Variants in ADAMTS2 observed in about 807,000 individuals in gnomAD.
ADAMTS2 encodes A disintegrin and metalloproteinase with thrombospondin motifs 2.
Under a neutral mutation model 123.0 loss-of-function variants are expected in ADAMTS2, and 50 were observed. That is an observed-to-expected ratio of 0.41 (90% confidence interval 0.32 to 0.51). The LOEUF (loss-of-function observed/expected upper bound fraction) is 0.51. Among genes scored for constraint, ADAMTS2 ranks in the 20% least tolerant of loss-of-function variants. ADAMTS2 has a pLI of 0.35. For missense variants in ADAMTS2, 1,494 were observed against 1,705.2 expected (o/e 0.88, Z 2.18); for synonymous variants, 678 against 695.4 (o/e 0.98, Z 0.39).
chr5:179,338,137 T>C (rs33900), intron 2 of ADAMTS2, among the ~76,000 whole-genome samples: 90,511 of 152,048 alleles, frequency 0.6, 27,162 homozygotes, highest in East Asian at 0.77. Context: ...TGCAGCTCTC[T>C]CAGGGAGAGC....
chr5:179,142,296 C>T (rs1458429437), intron 10 of ADAMTS2, among the ~76,000 whole-genome samples: 2 of 152,126 alleles, frequency 1.3e-5, no homozygotes, highest in Non-Finnish European at 2.9e-5. Context: ...ATGCTCGGAA[C>T]CAGAAGCGTT....
chr5:179,174,598 A>G (rs941749320), intron 5 of ADAMTS2, among the ~76,000 whole-genome samples: 9 of 152,248 alleles, frequency 5.9e-5, no homozygotes, highest in African/African-American at 2.2e-4. Flanking sequence ...CACAATAAGC[A>G]TTCTGTGTTT....
In ADAMTS2 at chr5:179,132,128, T is replaced by C; in HGVS notation, c.2290+102A>G. 8.5e-7 allele frequency: 1 copy of C among 1,179,706 alleles called. No homozygotes were observed. Among genetic ancestry groups the C allele is most frequent in the Non-Finnish European group, 1.2e-6 (1 of 806,974 alleles). 73.1% of individuals were successfully genotyped at this position (1,179,706 alleles called of 1,614,324 possible). A position where few individuals can be genotyped will look rare whatever the true frequency, so the allele number is the denominator to read the frequency against. On this transcript the variant is annotated intron_variant, in intron 15 of 21. Transcript: ENST00000251582. This position sits in a 1 kb window ranked among gnomAD's most constrained non-coding sequence, Gnocchi z 6.1. ...GGGCTGCCCTGGCTCAGGTCATGGC[T>C]GCACAACCCGGGCCCCTGACCCCTG... is the stretch of plus-strand genomic sequence containing the variant.
chr5:179,152,779 C>T (rs1339615671), intron 9 of ADAMTS2, among the ~76,000 whole-genome samples: 6 of 152,116 alleles, frequency 3.9e-5, no homozygotes, highest in Non-Finnish European at 7.4e-5. Context: ...CTTTCCAGAG[C>T]CCCCATCGCC....
chr5:179,322,926 T>G (rs1757226836), intron 2 of ADAMTS2, among the ~76,000 whole-genome samples: 1 of 152,216 alleles, frequency 6.6e-6, no homozygotes, highest in South Asian at 2.1e-4. Flanking sequence ...GCTCTCCTCC[T>G]GAGCACGGTG....
At position 179,132,698 on chromosome 5, in the gene ADAMTS2, G is replaced by A; in HGVS notation, c.2209+79C>T. On this transcript the variant is annotated intron_variant, in intron 14 of 21. Coordinates refer to ENST00000251582, the MANE Select transcript of ADAMTS2 (RefSeq NM_014244.5). The surrounding 1 kb of genome is among the most constrained non-coding windows in gnomAD (Gnocchi z 6.1). ...TCATAAGCCCGGACAGCCCCAGGATGAGTCAGGCCCTCAGCTGTCCGGGCA... is the reference window on the plus strand; with the variant it reads ...TCATAAGCCCGGACAGCCCCAGGATAAGTCAGGCCCTCAGCTGTCCGGGCA... The A allele has an allele frequency of 1.3e-6, 2 of 1,590,470 alleles. No individual in the cohort carries two copies. Among genetic ancestry groups the A allele is most frequent in the Non-Finnish European group, 8.6e-7 (1 of 1,161,000 alleles).
intron 3 of ADAMTS2, among the ~76,000 whole-genome samples, chr5:179,233,968 G>T (rs563719574): frequency 6.6e-6 from 1 of 152,270 alleles, no homozygotes; most frequent in South Asian, 2.1e-4. Context: ...AGCCGCAGGA[G>T]CCAGAAGAGG....
At chr5:179,281,087 AC>A (rs1581243692) in intron 2 of ADAMTS2, among the ~76,000 whole-genome samples, 1 of 152,150 alleles carries the variant, frequency 6.6e-6, no homozygotes, top group East Asian at 1.9e-4. Context: ...CAAACTCCTG[AC>A]CTCAGGTGAT....
At position 179,256,185 on chromosome 5, in the gene ADAMTS2, C is replaced by T. The variant is rs765713930; in HGVS notation, c.688+16726G>A. Reference sequence around the variant, plus strand: ...TTCAGGTGGGAGCACAGGTGCCTTTCGCACAGGGCCCAGCAGCCAGCTCAG... The same window carrying T: ...TTCAGGTGGGAGCACAGGTGCCTTTTGCACAGGGCCCAGCAGCCAGCTCAG... On this transcript the variant is annotated intron_variant, in intron 3 of 21. Coordinates refer to ENST00000251582, the MANE Select transcript of ADAMTS2 (RefSeq NM_014244.5). The surrounding 1 kb of genome is among the most constrained non-coding windows in gnomAD (Gnocchi z 4.1). 5.3e-5 allele frequency among the ~76,000 whole-genome samples: 8 copies of T among 152,202 alleles called. No homozygotes were observed. The highest frequency in any genetic ancestry group is 1.2e-4 in the Non-Finnish European group (8 of 68,038).
intron 3 of ADAMTS2, among the ~76,000 whole-genome samples, chr5:179,236,788 T>C (rs1254639066): frequency 6.6e-6 from 1 of 152,064 alleles, no homozygotes; most frequent in African/African-American, 2.4e-5. Context: ...AAGACCTGGT[T>C]TCAGAAAAAA....
rs545021148 is a variant in ADAMTS2, at chr5:179,330,713, C to T, written c.534+13054G>A. ...CTTGCCCAGCACACCACCTGCACAA[C>T]CTTCCCAGCAGCCCTGCTCATCGGG... is the stretch of plus-strand genomic sequence containing the variant. On this transcript the variant is annotated intron_variant, in intron 2 of 21. Transcript: ENST00000251582. Among the ~76,000 whole-genome samples the T allele has an allele frequency of 2.1e-3, 315 of 152,330 alleles. 3 individuals carry two copies. The highest frequency in any genetic ancestry group is 0.017 in the Middle Eastern group (5 of 294).
At chr5:179,137,974 C>T (rs1424779139) in intron 11 of ADAMTS2, 30 bp from the exon 12 acceptor site, 1 of 1,539,368 alleles carries the variant, frequency 6.5e-7, no homozygotes, top group Non-Finnish European at 8.7e-7. Context: ...CCTTGCCGCT[C>T]CGTGCCATTG....
rs1220564613 is a variant in ADAMTS2, at chr5:179,241,176, C to T, written c.688+31735G>A. 3.9e-5 allele frequency among the ~76,000 whole-genome samples: 6 copies of T among 152,204 alleles called. No homozygotes were observed. In the East Asian group the frequency reaches 5.8e-4, roughly 15 times the overall value. On this transcript the variant is annotated intron_variant, in intron 3 of 21. Transcript: ENST00000251582. ...TGAGCGGAAGATAGGAGTGAACCTTCGAGAACCGGAGGCCATGCCACTGCC... is the reference window on the plus strand; with the variant it reads ...TGAGCGGAAGATAGGAGTGAACCTTTGAGAACCGGAGGCCATGCCACTGCC...
intron 2 of ADAMTS2, among the ~76,000 whole-genome samples, chr5:179,329,257 G>A (rs1396867794): frequency 6.6e-6 from 1 of 151,356 alleles, no homozygotes; most frequent in Non-Finnish European, 1.5e-5. Flanking sequence ...AACCCAGGAG[G>A]CAGAGCTTGC....
chr5:179,219,001 C>T (rs763702664), intron 3 of ADAMTS2, among the ~76,000 whole-genome samples: 1 of 152,176 alleles, frequency 6.6e-6, no homozygotes, highest in Non-Finnish European at 1.5e-5. Flanking sequence ...CTGGCCATTA[C>T]ACCTTTTCTG....
chr5:179,133,130 G>A (rs1003388709), intron 13 of ADAMTS2, among the ~76,000 whole-genome samples: 1 of 152,088 alleles, frequency 6.6e-6, no homozygotes, highest in Non-Finnish European at 1.5e-5. Context: ...GCCACCTACA[G>A]CAGTGTCTCG....
intron 3 of ADAMTS2, among the ~76,000 whole-genome samples, chr5:179,219,214 C>T (rs1765070545): frequency 6.6e-6 from 1 of 152,190 alleles, no homozygotes; most frequent in African/African-American, 2.4e-5. Flanking sequence ...CTCCTTCCCC[C>T]AGGAGCAGCA....
At chr5:179,310,258 G>C (rs1756792894) in intron 2 of ADAMTS2, among the ~76,000 whole-genome samples, 1 of 152,260 alleles carries the variant, frequency 6.6e-6, no homozygotes. Flanking sequence ...CCAGCGGGCA[G>C]GGATCTAGGC....
rs572979899 is a variant in ADAMTS2 at position 179,209,006 on chromosome 5, G to A, written c.689-1291C>T. ...CAGAACAACACTTTTCACCCCCAAC[G>A]CCTCTCTCCTGCTGCCTCTTCCAGG... On this transcript the variant is annotated intron_variant, in intron 3 of 21. Transcript: ENST00000251582. Among the ~76,000 whole-genome samples, 61 of 152,250 alleles carry A rather than the reference G, an allele frequency of 4.0e-4. 1 individual carries two copies. Among genetic ancestry groups the A allele is most frequent in the South Asian group, 2.5e-3 (12 of 4,822 alleles).
Sources: gnomAD v4.1 joint callset for allele counts (sites outside exome capture counted in the v4.1 genomes callset) on GRCh38, gnomAD v4.1.1 for gene constraint, Gnocchi (gnomAD v3.1) non-coding constraint, MANE v1.5 for transcripts, NCBI Gene and HGNC (gene_info 2026-07-23, HGNC 2026-07-21) for gene names.